TANC2: variants seen among roughly 807,000 people sequenced by gnomAD.
The protein encoded by TANC2 is protein TANC2.
A neutral mutation model predicts 210.5 loss-of-function variants in TANC2; 26 were observed. That is an observed-to-expected ratio of 0.12 (90% confidence interval 0.09 to 0.17). The LOEUF (loss-of-function observed/expected upper bound fraction) is 0.17, where lower values mean the gene tolerates loss of function less well. TANC2 is among the 10% of genes least tolerant of loss of function. The pLI is 1.00. For synonymous variants in TANC2, 931 were observed against 967.1 expected, an observed-to-expected ratio of 0.96 and a Z score of 0.69; for missense variants, 2,129 against 2,608.9, an observed-to-expected ratio of 0.82 and a Z score of 4.01.
chr17:63,396,405 A>C (rs1011652165), intron 18 of TANC2: 1 of 164,098 alleles, frequency 6.1e-6, no homozygotes, highest in Non-Finnish European at 1.4e-5. Flanking sequence ...AAACTCCTTT[A>C]TACAAGGCTG....
At chr17:63,389,568 C>CTT in intron 17 of TANC2, 24 bp downstream of exon 17, 1 of 1,564,974 alleles carries the variant, frequency 6.4e-7, no homozygotes, top group Non-Finnish European at 8.7e-7. Flanking sequence ...AGCTCTGCTG[C>CTT]TTTTCTTCCC....
At chr17:63,200,900 T>C (rs1190217186) in exon 7 of TANC2, 3 of 1,613,818 alleles carry the variant, frequency 1.9e-6, no homozygotes, top group Non-Finnish European at 8.5e-7. Flanking sequence ...GGACTGCAGC[T>C]ATGGGGCTGT....
At chr17:63,184,801 C>A (rs1229180905) in intron 5 of TANC2, among the ~76,000 whole-genome samples, 1 of 151,710 alleles carries the variant, frequency 6.6e-6, no homozygotes. Flanking sequence ...TTACAGGCGC[C>A]TGCCACCACA....
chr17:63,020,523 T>C (rs1001910409), intron 2 of TANC2, among the ~76,000 whole-genome samples: 1 of 152,138 alleles, frequency 6.6e-6, no homozygotes, highest in Non-Finnish European at 1.5e-5. Flanking sequence ...CAGGCAGAAG[T>C]TTTACTTTTA....
intron 2 of TANC2, among the ~76,000 whole-genome samples, chr17:63,027,244 A>ACC (rs2034589754): frequency 6.6e-6 from 1 of 152,118 alleles, no homozygotes; most frequent in African/African-American, 2.4e-5. Context: ...GTTACTGTAA[A>ACC]AATCCAAGTG....
At chr17:63,424,386 T>G (rs2049096412) in exon 28 of TANC2, 1 of 152,158 alleles carries the variant, frequency 6.6e-6, no homozygotes. Context: ...AACCAGAGCT[T>G]GTTGGGGCAG....
In TANC2 at chr17:63,314,572, C is replaced by T. The variant is rs770439367; in HGVS notation, c.1344C>T (p.Phe448=). Reference sequence around the variant, plus strand: ...TAGTGATTGTGGGAAACATTGGATTCGGCAAAACTGCCATCATCTCCAGAC... The same window carrying T: ...TAGTGATTGTGGGAAACATTGGATTTGGCAAAACTGCCATCATCTCCAGAC... The change falls in exon 10 of 28, where the codon TTC becomes TTT. Residue 448 remains phenylalanine (F), a synonymous_variant. Transcript: ENST00000689528. 51 of 1,613,836 alleles carry T rather than the reference C, an allele frequency of 3.2e-5. No individual in the cohort carries two copies. The Admixed American group carries it at 5.3e-4, about 17-fold the overall frequency.
chr17:63,378,102 A>G (rs2047483664), intron 14 of TANC2, among the ~76,000 whole-genome samples: 1 of 152,212 alleles, frequency 6.6e-6, no homozygotes, highest in Non-Finnish European at 1.5e-5. Flanking sequence ...CATATCAGCC[A>G]TAGAGAGACG....
chr17:63,058,679 G>T (rs75344224), intron 2 of TANC2, among the ~76,000 whole-genome samples: 1 of 152,180 alleles, frequency 6.6e-6, no homozygotes, highest in East Asian at 1.9e-4. Flanking sequence ...TGAATAGGAC[G>T]TCCTTTCCCC....
intron 2 of TANC2, among the ~76,000 whole-genome samples, chr17:63,060,953 G>A (rs2035975607): frequency 6.6e-6 from 1 of 152,176 alleles, no homozygotes; most frequent in African/African-American, 2.4e-5. Context: ...TGTGCCTACA[G>A]TCCCAGCTAC....
rs574880867 is a variant in TANC2 at position 63,308,257 on chromosome 17, A to T, written c.1160-6131A>T. Among the ~76,000 whole-genome samples the T allele has an allele frequency of 2.6e-5, 4 of 152,194 alleles. No individual in the cohort carries two copies. The South Asian group carries it at 6.2e-4, about 24-fold the overall frequency. ...AATCCCTTAGACTTGAAACTGGAAAAATCTTTGGCTTCTTCCGCTCCCTAT... is the reference window on the plus strand; with the variant it reads ...AATCCCTTAGACTTGAAACTGGAAATATCTTTGGCTTCTTCCGCTCCCTAT... On this transcript the variant is annotated intron_variant, in intron 9 of 27. Coordinates refer to ENST00000689528, the Ensembl canonical transcript of TANC2.
At chr17:63,193,722 A>G (rs1161825701) in intron 5 of TANC2, among the ~76,000 whole-genome samples, 1 of 152,164 alleles carries the variant, frequency 6.6e-6, no homozygotes, top group Non-Finnish European at 1.5e-5. Context: ...ACATAAACAG[A>G]TACTCATTTT....
At chr17:63,043,378 C>G (rs1280427583) in intron 2 of TANC2, among the ~76,000 whole-genome samples, 1 of 152,024 alleles carries the variant, frequency 6.6e-6, no homozygotes. Context: ...TAAACCCATA[C>G]ATAATTATAA....
chr17:63,127,035 A>G (rs1266599465), intron 4 of TANC2, among the ~76,000 whole-genome samples: 1 of 152,214 alleles, frequency 6.6e-6, no homozygotes, highest in African/African-American at 2.4e-5. Context: ...TGCAGTTATG[A>G]CTAAGTTTCT....
Position 63,394,023 on chromosome 17 carries a change from C to T in TANC2, c.3052-1720C>T, listed in dbSNP as rs1226138714. ...GTGACCTCAGGTGATCCACCCGCCT[C>T]GGCCTCCCAAAGTGCTGGGATTACA... is the stretch of plus-strand genomic sequence containing the variant. On this transcript the variant is annotated intron_variant, in intron 17 of 27. Transcript: ENST00000689528. Among the ~76,000 whole-genome samples the T allele has an allele frequency of 5.3e-5, 8 of 152,086 alleles. No homozygotes were observed. In the East Asian group the frequency reaches 7.7e-4, roughly 15 times the overall value.
At chr17:63,372,373 G>A (rs1031561547) in intron 14 of TANC2, among the ~76,000 whole-genome samples, 4 of 152,256 alleles carry the variant, frequency 2.6e-5, no homozygotes, top group East Asian at 3.9e-4. Flanking sequence ...GTACAGTGTG[G>A]AAGGGTAAGG....
In TANC2 at chr17:63,220,719, A is replaced by ATAT. The variant is rs1555609722; in HGVS notation, c.770-17095_770-17094insTAT. 1.8e-3 allele frequency among the ~76,000 whole-genome samples: 245 copies of ATAT among 134,390 alleles called. 5 individuals are homozygous for ATAT. The highest frequency in any genetic ancestry group is 6.0e-3 in the African/African-American group (208 of 34,712). The allele number at this position is 134,390 out of a possible 152,430, so 88.2% of individuals were successfully genotyped here. ...AATCAGTCTCAAAAAAAAAAAAAAA[A>ATAT]ATATATATATATATATATGTATATA... On this transcript the variant is annotated intron_variant, in intron 7 of 27. Transcript: ENST00000689528.
intron 14 of TANC2, among the ~76,000 whole-genome samples, chr17:63,365,915 T>C (rs796765535): frequency 1.1e-4 from 17 of 152,192 alleles, no homozygotes; most frequent in African/African-American, 3.9e-4. Flanking sequence ...TCACAATTTA[T>C]TATTAATTGT....
rs565869154 is a variant in TANC2 at position 62,984,729 on chromosome 17, T to C, written c.-24+17980T>C. Among the ~76,000 whole-genome samples, 9 of 152,310 alleles carry C rather than the reference T, an allele frequency of 5.9e-5. 1 individual carries two copies. The South Asian group carries it at 1.9e-3, about 32-fold the overall frequency. On this transcript the variant is annotated intron_variant, in intron 1 of 27. Transcript: ENST00000689528. Reference sequence around the variant, plus strand: ...TTTTTCCTTCATTCATTGGTTGTTCTGGAGCAGGTTGTTTTATTTCCATGT... The same window carrying C: ...TTTTTCCTTCATTCATTGGTTGTTCCGGAGCAGGTTGTTTTATTTCCATGT...
Sources: allele counts gnomAD v4.1 joint callset (sites outside exome capture counted in the v4.1 genomes callset), GRCh38; gene constraint gnomAD v4.1.1; transcripts MANE v1.5; gene names NCBI Gene and HGNC (gene_info 2026-07-23, HGNC 2026-07-21).